RAB3A: variants seen among roughly 807,000 people sequenced by gnomAD.
The protein encoded by RAB3A is RAB3A, member RAS oncogene family.
Under a neutral mutation model 19.7 loss-of-function variants are expected in RAB3A, and 5 were observed. The observed-to-expected ratio is 0.25, with a 90% CI of 0.13 to 0.53. RAB3A has a LOEUF of 0.53. RAB3A is among the 20% of genes least tolerant of loss of function. The pLI, the probability that RAB3A is intolerant of heterozygous loss-of-function variation, is 0.95. For missense variants in RAB3A, 189 were observed against 305.6 expected (o/e 0.62, Z 2.85); for synonymous variants, 119 against 122.1 (o/e 0.97, Z 0.17).
chr19:18,198,058 C>T (rs1366032906), intron 4 of RAB3A, among the ~76,000 whole-genome samples: 2 of 151,844 alleles, frequency 1.3e-5, no homozygotes, highest in African/African-American at 4.8e-5. Flanking sequence ...CCCTTCCTTC[C>T]TAAAATTGTG....
In RAB3A at chr19:18,197,183, G is replaced by A. The variant is rs865968290; in HGVS notation, c.*287C>T. The A allele has an allele frequency of 3.6e-5, 13 of 357,154 alleles. No homozygotes were observed. Among genetic ancestry groups the A allele is most frequent in the African/African-American group, 8.8e-5 (4 of 45,416 alleles). The allele number at this position is 357,154 out of a possible 1,614,324, so 22.1% of individuals were successfully genotyped here. On this transcript the variant is annotated 3_prime_UTR_variant, in exon 5 of 5. Transcript: ENST00000222256. Reference sequence around the variant, plus strand: ...AATTTTAAAAAAAGGCGGGGGGGGGGGGTTCAGGAGGGTGAGCGGTGAGTT... The same window carrying A: ...AATTTTAAAAAAAGGCGGGGGGGGGAGGTTCAGGAGGGTGAGCGGTGAGTT...
At position 18,201,223 on chromosome 19, in the gene RAB3A, G is replaced by A. The variant is rs141478834; in HGVS notation, c.229-778C>T. The stretch of plus-strand genomic sequence containing the variant: ...GCACTCCACCCTGGGTGACAAGAGC[G>A]AGACTCCGTCTCAAAACAATAACAA... On this transcript the variant is annotated intron_variant, in intron 2 of 4. Coordinates refer to ENST00000222256, the MANE Select transcript of RAB3A (RefSeq NM_002866.5). Among the ~76,000 whole-genome samples the A allele has an allele frequency of 8.3e-3, 1,134 of 136,220 alleles. 21 individuals are homozygous for A. Among genetic ancestry groups the A allele is most frequent in the African/African-American group, 0.029 (1,063 of 36,094 alleles). The allele number at this position is 136,220 out of a possible 152,430, so 89.4% of individuals were successfully genotyped here. A position where few individuals can be genotyped will look rare whatever the true frequency, so the allele number is the denominator to read the frequency against.
rs950419149 is a variant in RAB3A, at chr19:18,197,279, G to A, written c.*191C>T. The A allele has an allele frequency of 2.4e-5, 14 of 591,268 alleles. 1 individual carries two copies. The highest frequency in any genetic ancestry group is 4.5e-5 in the South Asian group (2 of 44,058). 36.6% of individuals were successfully genotyped at this position (591,268 alleles called of 1,614,324 possible). The stretch of plus-strand genomic sequence containing the variant: ...GTACAGGAGGGGCAGGGCTTGGGGC[G>A]GGCAGGGGAGCCTGGGCCCCTGGGG... On this transcript the variant is annotated 3_prime_UTR_variant, in exon 5 of 5. Coordinates refer to ENST00000222256, the MANE Select transcript of RAB3A (RefSeq NM_002866.5).
chr19:18,200,249 C>T, intron 3 of RAB3A, 78 bp downstream of exon 3: 1 of 1,280,492 alleles, frequency 7.8e-7, no homozygotes, highest in Non-Finnish European at 1.1e-6. Context: ...TGCCACTGCA[C>T]TCCAGCCTGG....
At chr19:18,201,679 T>C (rs1157820302) in intron 2 of RAB3A, among the ~76,000 whole-genome samples, 2 of 152,148 alleles carry the variant, frequency 1.3e-5, no homozygotes, top group Non-Finnish European at 2.9e-5. Context: ...GTTAACAAGA[T>C]GGGCACTTCC....
chr19:18,200,243 A>T, intron 3 of RAB3A, 84 bp downstream of exon 3: 2 of 1,170,744 alleles, frequency 1.7e-6, no homozygotes, highest in Non-Finnish European at 2.4e-6. Context: ...TGATCGTGCC[A>T]CTGCACTCCA....
chr19:18,201,264 AAAG>A (rs1364719199), intron 2 of RAB3A, among the ~76,000 whole-genome samples: 1 of 76,778 alleles, frequency 1.3e-5, no homozygotes, highest in Non-Finnish European at 2.8e-5. Flanking sequence ...AAAAAAAAAA[AAAG>A]AAAGAAAGAA....
intron 4 of RAB3A, 74 bp downstream of exon 4, chr19:18,198,650 CT>C: frequency 6.3e-7 from 1 of 1,581,394 alleles, no homozygotes; most frequent in Non-Finnish European, 8.6e-7. Flanking sequence ...GCTGTAAGAC[CT>C]TGGGTGTGTG....
chr19:18,198,192 T>C (rs967351995), intron 4 of RAB3A, among the ~76,000 whole-genome samples: 6 of 152,126 alleles, frequency 3.9e-5, no homozygotes, highest in Non-Finnish European at 8.8e-5. Flanking sequence ...ACACACCCTC[T>C]GTGACTCCCT....
At chr19:18,203,369 C>T (rs1353726258) in intron 1 of RAB3A, among the ~76,000 whole-genome samples, 1 of 152,234 alleles carries the variant, frequency 6.6e-6, no homozygotes, top group African/African-American at 2.4e-5. Context: ...GCAAACCACC[C>T]GTGCGCACAG....
chr19:18,202,702 C>G lies in RAB3A; in HGVS notation c.39G>C (p.Glu13Asp). 1 of 1,614,176 alleles carries G rather than the reference C, an allele frequency of 6.2e-7. No individual in the cohort carries two copies. The change falls in exon 2 of 5, where the codon GAG (glutamate) becomes GAC (aspartate). Residue 13 changes from glutamate (E) to aspartate (D), a missense_variant. By Grantham distance (45) the Glu-to-Asp change is conservative. Transcript: ENST00000222256. The surrounding 1 kb of genome is among the most constrained non-coding windows in gnomAD (Gnocchi z 4.2). ...SATDSRYGQK[E>D]SSDQNFDYMF... Reference sequence around the variant, plus strand: ...TGTAGTCGAAGTTCTGATCCGAGGACTCCTTCTGCCCATAGCGCGAGTCTG... The same window carrying G: ...TGTAGTCGAAGTTCTGATCCGAGGAGTCCTTCTGCCCATAGCGCGAGTCTG...
In RAB3A at chr19:18,202,446, T is replaced by A; in HGVS notation, c.228+67A>T. ...CCAGTCAGGAAAGAGATAGACGAGGTTGGGGCTGCTTTTCCAAGTACGGGA... is the reference window on the plus strand; with the variant it reads ...CCAGTCAGGAAAGAGATAGACGAGGATGGGGCTGCTTTTCCAAGTACGGGA... On this transcript the variant is annotated intron_variant, in intron 2 of 4. Transcript: ENST00000222256. The surrounding 1 kb of genome is among the most constrained non-coding windows in gnomAD (Gnocchi z 4.2). The A allele has an allele frequency of 7.1e-7, 1 of 1,402,394 alleles. No homozygotes were observed. Among genetic ancestry groups the A allele is most frequent in the South Asian group, 1.2e-5 (1 of 83,606 alleles). 86.9% of individuals were successfully genotyped at this position (1,402,394 alleles called of 1,614,324 possible).
chr19:18,198,952 C>G (rs1403021616), intron 3 of RAB3A, 103 bp from the exon 4 acceptor site: 6 of 1,427,552 alleles, frequency 4.2e-6, no homozygotes, highest in Middle Eastern at 2.2e-4. Flanking sequence ...AAGAAAGACC[C>G]AGAAGCTTGC....
rs573614216 is a variant in RAB3A at position 18,203,680 on chromosome 19, C to A, written c.-1+216G>T. Among the ~76,000 whole-genome samples the A allele has an allele frequency of 2.2e-4, 34 of 152,342 alleles. 1 individual carries two copies. The East Asian group carries it at 6.0e-3, about 27-fold the overall frequency. ...CGCAAGGAGCTCGGCTCCCCTCCCCCTCCGCCGCAGAGCAGGGGGGTTGGG... is the reference window on the plus strand; with the variant it reads ...CGCAAGGAGCTCGGCTCCCCTCCCCATCCGCCGCAGAGCAGGGGGGTTGGG... On this transcript the variant is annotated intron_variant, in intron 1 of 4. Coordinates refer to ENST00000222256, the MANE Select transcript of RAB3A (RefSeq NM_002866.5).
chr19:18,200,453 G>A lies in RAB3A; in HGVS notation c.229-8C>T. ...CTCTTGCCCTGCTGTGTCCTAGGGA[G>A]GAAGAGATGAAGGTCAGAGAGGACC... On this transcript the variant is annotated splice_region_variant and splice_polypyrimidine_tract_variant and intron_variant, in intron 2 of 4. Transcript: ENST00000222256. 1 of 1,603,356 alleles carries A rather than the reference G, an allele frequency of 6.2e-7. No individual in the cohort carries two copies. Among genetic ancestry groups the A allele is most frequent in the Admixed American group, 1.7e-5 (1 of 57,508 alleles).
intron 4 of RAB3A, among the ~76,000 whole-genome samples, 184 bp downstream of exon 4, chr19:18,198,541 A>G (rs1967565969): frequency 6.6e-6 from 1 of 152,004 alleles, no homozygotes; most frequent in Admixed American, 6.6e-5. Context: ...AAATCCTTAA[A>G]CTTTCTGCAT....
chr19:18,198,906 G>A, intron 3 of RAB3A, 57 bp from the exon 4 acceptor site: 1 of 1,583,638 alleles, frequency 6.3e-7, no homozygotes, highest in Non-Finnish European at 8.6e-7. Context: ...GCTCCACCCT[G>A]ACGGGCTGAT....
intron 2 of RAB3A, among the ~76,000 whole-genome samples, chr19:18,201,875 G>A (rs530724931): frequency 6.6e-5 from 10 of 152,200 alleles, no homozygotes; most frequent in South Asian, 4.1e-4. Context: ...AAGCTGAGGC[G>A]GGAGGATTGC....
At chr19:18,203,079 C>T (rs192121973) in intron 1 of RAB3A, among the ~76,000 whole-genome samples, 1 of 152,334 alleles carries the variant, frequency 6.6e-6, no homozygotes, top group Admixed American at 6.5e-5. Flanking sequence ...CCCCATCAAT[C>T]TTTCATGGTC....
Sources: gnomAD v4.1 joint callset for allele counts (sites outside exome capture counted in the v4.1 genomes callset) on GRCh38, gnomAD v4.1.1 for gene constraint, Gnocchi (gnomAD v3.1) non-coding constraint, MANE v1.5 for transcripts, NCBI Gene and HGNC (gene_info 2026-07-23, HGNC 2026-07-21) for gene names.